Variants in MSL2 observed in about 807,000 individuals in gnomAD.
MSL2 encodes E3 ubiquitin-protein ligase MSL2.
A neutral mutation model predicts 35.8 loss-of-function variants in MSL2; 2 were observed. The ratio of observed to expected loss-of-function variants is 0.06; its 90% CI spans 0.02 to 0.18. The LOEUF (loss-of-function observed/expected upper bound fraction) is 0.18, where lower values mean the gene tolerates loss of function less well. Among genes scored for constraint, MSL2 ranks in the 10% least tolerant of loss-of-function variants. The pLI is 1.00. For synonymous variants in MSL2, 296 were observed against 255.7 expected, an observed-to-expected ratio of 1.16 and a Z score of -1.50; for missense variants, 523 against 706.7, an observed-to-expected ratio of 0.74 and a Z score of 2.95.
At chr3:136,176,145 G>A (rs909244301) in intron 1 of MSL2, among the ~76,000 whole-genome samples, 5 of 152,094 alleles carry the variant, frequency 3.3e-5, no homozygotes, top group African/African-American at 1.2e-4. Context: ...ACAGTTCTTG[G>A]ACAAGTAAAA....
Position 136,195,968 on chromosome 3 carries a change from C to A in MSL2, c.-855G>T. On this transcript the variant is annotated 5_prime_UTR_variant, in exon 1 of 2. Transcript: ENST00000309993. ...AGACTCAAGCGCCGCCCCCTCACTG[C>A]CCGGCCATTTTTTCGGCGCCACACA... The A allele has an allele frequency of 3.3e-6, 1 of 304,192 alleles. No homozygotes were observed. The highest frequency in any genetic ancestry group is 4.8e-6 in the Non-Finnish European group (1 of 208,046). 18.8% of individuals were successfully genotyped at this position (304,192 alleles called of 1,614,324 possible). A position where few individuals can be genotyped will look rare whatever the true frequency, so the allele number is the denominator to read the frequency against.
chr3:136,180,815 AG>A lies in MSL2; in HGVS notation c.142+14156del, dbSNP rs1940333188. Among the ~76,000 whole-genome samples the A allele has an allele frequency of 2.4e-5, 3 of 124,202 alleles. 1 individual carries two copies. The highest frequency in any genetic ancestry group is 6.3e-5 in the African/African-American group (2 of 31,840). 81.5% of individuals were successfully genotyped at this position (124,202 alleles called of 152,430 possible). ...GAGGGAGGGAGGGAGGGAGGGAAGG[AG>A]GGAAGGAAGGAAGGAAGGAAGGAAG... On this transcript the variant is annotated intron_variant, in intron 1 of 1. Transcript: ENST00000309993.
chr3:136,177,765 G>A (rs1050862417), intron 1 of MSL2, among the ~76,000 whole-genome samples: 5 of 150,546 alleles, frequency 3.3e-5, no homozygotes, highest in East Asian at 1.9e-4. Flanking sequence ...GTTCACTATA[G>A]CACTTTAAAT....
intron 1 of MSL2, chr3:136,155,726 G>A (rs1314564279): frequency 5.9e-6 from 3 of 504,214 alleles, no homozygotes; most frequent in Non-Finnish European, 8.0e-6. Flanking sequence ...TTTTGTGCCT[G>A]CTTCCCCTCC....
At chr3:136,164,917 C>T (rs1258216905) in intron 1 of MSL2, among the ~76,000 whole-genome samples, 1 of 151,966 alleles carries the variant, frequency 6.6e-6, no homozygotes, top group Non-Finnish European at 1.5e-5. Context: ...CTCTGTTGCC[C>T]ACCTGGAGTG....
At chr3:136,187,751 TTG>T (rs1328353462) in intron 1 of MSL2, among the ~76,000 whole-genome samples, 1 of 152,096 alleles carries the variant, frequency 6.6e-6, no homozygotes, top group Non-Finnish European at 1.5e-5. Context: ...TACTTAAATA[TTG>T]TTTTTCAAAT....
intron 1 of MSL2, chr3:136,155,772 G>C (rs543367497): frequency 1.8e-6 from 1 of 560,542 alleles, no homozygotes; most frequent in African/African-American, 1.9e-5. Context: ...ATGTACGTAT[G>C]CAAAGAGAAC....
chr3:136,178,432 C>G (rs531552484), intron 1 of MSL2, among the ~76,000 whole-genome samples: 1 of 152,072 alleles, frequency 6.6e-6, no homozygotes, highest in Non-Finnish European at 1.5e-5. Flanking sequence ...TGCTTTATTA[C>G]CCTCTTAAGA....
intron 1 of MSL2, among the ~76,000 whole-genome samples, chr3:136,188,222 T>A (rs1278746639): frequency 6.6e-6 from 1 of 151,934 alleles, no homozygotes; most frequent in Non-Finnish European, 1.5e-5. Flanking sequence ...GTTCACAAGG[T>A]ACAGAGATCG....
intron 1 of MSL2, among the ~76,000 whole-genome samples, chr3:136,180,458 T>G (rs777374737): frequency 1.3e-5 from 2 of 151,634 alleles, no homozygotes; most frequent in Admixed American, 6.6e-5. Flanking sequence ...AAAAGACACT[T>G]TGGGAGGCTG....
intron 1 of MSL2, among the ~76,000 whole-genome samples, chr3:136,176,210 C>A (rs2108081060): frequency 6.6e-6 from 1 of 152,270 alleles, no homozygotes. Flanking sequence ...GTCTAAACTT[C>A]TTTTAAAACT....
chr3:136,180,969 T>C lies in MSL2; in HGVS notation c.142+14003A>G, dbSNP rs115353961. The stretch of plus-strand genomic sequence containing the variant: ...AAGTTCAACACTAGCCTGACCAATG[T>C]AGTGAAATTCTGACTCTATTAAATA... On this transcript the variant is annotated intron_variant, in intron 1 of 1. Coordinates refer to ENST00000309993, the MANE Select transcript of MSL2 (RefSeq NM_018133.4). Among the ~76,000 whole-genome samples, 789 of 150,730 alleles carry C rather than the reference T, an allele frequency of 5.2e-3. 2 individuals are homozygous for C. Among genetic ancestry groups the C allele is most frequent in the Admixed American group, 8.1e-3 (122 of 15,094 alleles).
Position 136,151,595 on chromosome 3 carries a change from T to C in MSL2, c.1286A>G (p.Lys429Arg). 1 of 1,614,208 alleles carries C rather than the reference T, an allele frequency of 6.2e-7. No homozygotes were observed. Among genetic ancestry groups the C allele is most frequent in the Non-Finnish European group, 8.5e-7 (1 of 1,180,046 alleles). The change falls in exon 2 of 2, where the codon AAA becomes AGA. Residue 429 changes from lysine to arginine, a missense_variant. Coordinates refer to ENST00000309993, the MANE Select transcript of MSL2 (RefSeq NM_018133.4). This position sits in a 1 kb window ranked among gnomAD's most constrained non-coding sequence, Gnocchi z 5.2. The part of the protein sequence containing the change: ...SHSKTKPGIL[K>R]KDKAVKEKIP... Reference sequence around the variant, plus strand: ...CTTTTCCTTTACTGCTTTGTCTTTTTTAAGAATACCTGGCTTGGTTTTAGA... The same window carrying C: ...CTTTTCCTTTACTGCTTTGTCTTTTCTAAGAATACCTGGCTTGGTTTTAGA...
chr3:136,152,449 T>G lies in MSL2; in HGVS notation c.432A>C (p.Glu144Asp). The G allele has an allele frequency of 6.2e-7, 1 of 1,614,218 alleles. No homozygotes were observed. The highest frequency in any genetic ancestry group is 8.5e-7 in the Non-Finnish European group (1 of 1,180,036). ...NDGSLFCEETEKPSDSSFTLC... is the reference protein window; with the variant it reads ...NDGSLFCEETDKPSDSSFTLC... ...AAGTAAAGGATGAATCTGAGGGTTT[T>G]TCTGTCTCCTCACAAAACAATGATC... Residue 144 changes from glutamate to aspartate, a missense_variant, in exon 2 of 2, where the codon GAA becomes GAC. Glu to Asp is a conservative substitution (Grantham distance 45, BLOSUM62 2). Coordinates refer to ENST00000309993, the MANE Select transcript of MSL2 (RefSeq NM_018133.4).
At chr3:136,164,951 G>A (rs916122675) in intron 1 of MSL2, among the ~76,000 whole-genome samples, 6 of 151,516 alleles carry the variant, frequency 4.0e-5, no homozygotes, top group Admixed American at 1.3e-4. Context: ...TTGGCTCACC[G>A]CAACCTCCAT....
At chr3:136,167,340 A>AG (rs1208906935) in intron 1 of MSL2, among the ~76,000 whole-genome samples, 2 of 146,120 alleles carry the variant, frequency 1.4e-5, no homozygotes, top group Admixed American at 6.8e-5. Flanking sequence ...GTTGTTCTAT[A>AG]GAAAAAAAAA....
chr3:136,194,517 C>T (rs1032953020), intron 1 of MSL2: 1 of 921,780 alleles, frequency 1.1e-6, no homozygotes. Flanking sequence ...GCTGTGGGTT[C>T]ATCAGCTTAG....
chr3:136,195,313 C>G lies in MSL2; in HGVS notation c.-200G>C. Reference sequence around the variant, plus strand: ...CACACATGGGGCCTTGGCGCCCCTCCGTCCCTGAGACTTCCAGACCAAAAA... The same window carrying G: ...CACACATGGGGCCTTGGCGCCCCTCGGTCCCTGAGACTTCCAGACCAAAAA... On this transcript the variant is annotated 5_prime_UTR_variant, in exon 1 of 2. Coordinates refer to ENST00000309993, the MANE Select transcript of MSL2 (RefSeq NM_018133.4). The G allele has an allele frequency of 7.3e-7, 1 of 1,371,376 alleles. No homozygotes were observed. Among genetic ancestry groups the G allele is most frequent in the Non-Finnish European group, 9.4e-7 (1 of 1,067,048 alleles). The allele number at this position is 1,371,376 out of a possible 1,614,324, so 85.0% of individuals were successfully genotyped here.
At position 136,150,934 on chromosome 3, in the gene MSL2, TTCTG is replaced by T; in HGVS notation, c.*209_*212del. 1.9e-6 allele frequency: 1 copy of T among 531,494 alleles called. No individual in the cohort carries two copies. Among genetic ancestry groups the T allele is most frequent in the Non-Finnish European group, 3.3e-6 (1 of 301,152 alleles). 32.9% of individuals were successfully genotyped at this position (531,494 alleles called of 1,614,324 possible). A position where few individuals can be genotyped will look rare whatever the true frequency, so the allele number is the denominator to read the frequency against. On this transcript the variant is annotated 3_prime_UTR_variant, in exon 2 of 2. Coordinates refer to ENST00000309993, the MANE Select transcript of MSL2 (RefSeq NM_018133.4). ...TCAGCTTTGTTCTCAAACTATGAGG[TTCTG>T]TAAGAACTAAGGACATATAGTTGTA...
Sources: allele counts gnomAD v4.1 joint callset (sites outside exome capture counted in the v4.1 genomes callset), GRCh38; gene constraint gnomAD v4.1.1; non-coding constraint Gnocchi (gnomAD v3.1); transcripts MANE v1.5; gene names NCBI Gene and HGNC (gene_info 2026-07-23, HGNC 2026-07-21).